Variants in TBC1D15 observed in about 807,000 individuals in gnomAD.
TBC1D15 encodes the protein TBC1 domain family member 15.
A neutral mutation model predicts 95.4 loss-of-function variants in TBC1D15; 39 were observed. The ratio of observed to expected loss-of-function variants is 0.41; its 90% confidence interval spans 0.32 to 0.53. The LOEUF (loss-of-function observed/expected upper bound fraction) is 0.53, where lower values mean the gene tolerates loss of function less well. Ranked by LOEUF, TBC1D15 falls within the 20% of genes least tolerant of loss-of-function variation. TBC1D15 has a pLI of 0.29. For missense variants in TBC1D15, 733 were observed against 794.3 expected (o/e 0.92, Z 0.93); for synonymous variants, 258 against 261.3 (o/e 0.99, Z 0.12).
At chr12:71,878,843 C>T (rs535792202) in intron 3 of TBC1D15, among the ~76,000 whole-genome samples, 1 of 150,740 alleles carries the variant, frequency 6.6e-6, no homozygotes, top group Admixed American at 6.6e-5. Flanking sequence ...AAAAAAAAAA[C>T]TAGTCAAACA....
chr12:71,917,025 T>A (rs565652888), intron 12 of TBC1D15, among the ~76,000 whole-genome samples: 1 of 152,322 alleles, frequency 6.6e-6, no homozygotes, highest in East Asian at 1.9e-4. Flanking sequence ...TTTTTTTTAA[T>A]GAAAAGTAAC....
intron 1 of TBC1D15, among the ~76,000 whole-genome samples, chr12:71,864,693 G>A (rs1051874512): frequency 9.2e-5 from 14 of 151,990 alleles, no homozygotes; most frequent in East Asian, 1.9e-4. Flanking sequence ...TTTTAGTAGC[G>A]ATGGGGATTC....
chr12:71,920,234 G>A (rs1459141280), intron 14 of TBC1D15, among the ~76,000 whole-genome samples: 1 of 152,144 alleles, frequency 6.6e-6, no homozygotes, highest in African/African-American at 2.4e-5. Flanking sequence ...CACAATCAGG[G>A]ATAAAATGTG....
intron 1 of TBC1D15, among the ~76,000 whole-genome samples, chr12:71,868,240 CTTTTTTT>C (rs771782876): frequency 2.3e-5 from 3 of 132,380 alleles, no homozygotes; most frequent in Non-Finnish European, 3.2e-5. Flanking sequence ...GCAGCTTTGA[CTTTTTTT>C]TTTTTTTTTT....
rs893843942 is a variant in TBC1D15, at chr12:71,891,374, G to A, written c.555-1848G>A. Among the ~76,000 whole-genome samples the A allele has an allele frequency of 9.2e-5, 14 of 152,220 alleles. No homozygotes were observed. The South Asian group carries it at 2.9e-3, about 32-fold the overall frequency. Reference sequence around the variant, plus strand: ...AGGCTGTAATAGAATTGCTGGGTTAGCATCATTAAAAGTTCATCTTACTGC... The same window carrying A: ...AGGCTGTAATAGAATTGCTGGGTTAACATCATTAAAAGTTCATCTTACTGC... On this transcript the variant is annotated intron_variant, in intron 5 of 16. Transcript: ENST00000485960.
intron 1 of TBC1D15, among the ~76,000 whole-genome samples, chr12:71,865,247 G>A (rs1891237731): frequency 6.6e-6 from 1 of 152,208 alleles, no homozygotes; most frequent in South Asian, 2.1e-4. Context: ...ACAGAGCCAG[G>A]ATGTATGACA....
At chr12:71,862,177 T>C (rs1357420257) in intron 1 of TBC1D15, among the ~76,000 whole-genome samples, 1 of 152,170 alleles carries the variant, frequency 6.6e-6, no homozygotes, top group Non-Finnish European at 1.5e-5. Flanking sequence ...GTTTTGTAAA[T>C]GTCTGTTAGA....
chr12:71,919,121 T>C (rs961617236), intron 14 of TBC1D15, among the ~76,000 whole-genome samples: 8 of 152,176 alleles, frequency 5.3e-5, no homozygotes, highest in Non-Finnish European at 8.8e-5. Context: ...CCCCAGTGTT[T>C]ATTTTTCCAT....
At chr12:71,889,876 AGTGAGAACAT>A (rs1353795464) in intron 5 of TBC1D15, among the ~76,000 whole-genome samples, 1 of 152,116 alleles carries the variant, frequency 6.6e-6, no homozygotes, top group Non-Finnish European at 1.5e-5. Flanking sequence ...CCCGCTTATA[AGTGAGAACAT>A]GTAGTATTTG....
At chr12:71,912,622 A>G (rs1218396562) in intron 11 of TBC1D15, among the ~76,000 whole-genome samples, 2 of 152,140 alleles carry the variant, frequency 1.3e-5, no homozygotes, top group Admixed American at 1.3e-4. Context: ...AAACAGAGTA[A>G]TGTGTAATTA....
chr12:71,914,447 A>G (rs7305612), intron 12 of TBC1D15, among the ~76,000 whole-genome samples: 13,978 of 152,102 alleles, frequency 0.092, 712 homozygotes, highest in South Asian at 0.14. Flanking sequence ...TGAACTGTCT[A>G]TATATACATG....
intron 1 of TBC1D15, chr12:71,849,179 CAAAAAA>C (rs1015053782): frequency 1.1e-5 from 2 of 182,326 alleles, no homozygotes; most frequent in African/African-American, 5.7e-5. Flanking sequence ...AAAAAAAAAA[CAAAAAA>C]AAAACAAAAA....
intron 16 of TBC1D15, among the ~76,000 whole-genome samples, chr12:71,922,170 C>G (rs770811110): frequency 3.3e-5 from 5 of 152,130 alleles, no homozygotes; most frequent in Non-Finnish European, 7.3e-5. Flanking sequence ...CTGCAACCTT[C>G]TCCTCCTGAG....
At chr12:71,842,343 C>G (rs1208107322) in intron 1 of TBC1D15, among the ~76,000 whole-genome samples, 2 of 152,208 alleles carry the variant, frequency 1.3e-5, no homozygotes, top group Admixed American at 1.3e-4. Context: ...CCTCTCTGTG[C>G]TTCAGTATCC....
chr12:71,868,617 C>T, intron 1 of TBC1D15, among the ~76,000 whole-genome samples: 1 of 152,108 alleles, frequency 6.6e-6, no homozygotes, highest in East Asian at 1.9e-4. Flanking sequence ...ACTTAGGAAA[C>T]TCTTTCAACT....
intron 2 of TBC1D15, 59 bp downstream of exon 2, chr12:71,872,227 G>T: frequency 9.8e-7 from 1 of 1,022,204 alleles, no homozygotes; most frequent in South Asian, 1.9e-5. Flanking sequence ...TTCATCTTTG[G>T]AGAATTATCA....
At chr12:71,848,533 C>G (rs1565938679) in intron 1 of TBC1D15, among the ~76,000 whole-genome samples, 1 of 151,732 alleles carries the variant, frequency 6.6e-6, no homozygotes, top group African/African-American at 2.4e-5. Flanking sequence ...TTTTTTCAAA[C>G]TGTGTTTTTT....
Position 71,858,283 on chromosome 12 carries a change from G to C in TBC1D15, c.31-13787G>C, listed in dbSNP as rs142025065. On this transcript the variant is annotated intron_variant, in intron 1 of 16. Coordinates refer to ENST00000485960, the MANE Select transcript of TBC1D15 (RefSeq NM_001146213.3). The stretch of plus-strand genomic sequence containing the variant: ...GATGGGGTTTCTCCATGTTGATCAG[G>C]CTGGTCTGGAACTCCCGACCTCAAG... 1.8e-3 allele frequency among the ~76,000 whole-genome samples: 274 copies of C among 152,082 alleles called. 3 individuals are homozygous for C. The East Asian group carries it at 0.049, about 27-fold the overall frequency.
chr12:71,893,386 C>T, intron 6 of TBC1D15, 62 bp downstream of exon 6: 1 of 1,112,010 alleles, frequency 9.0e-7, no homozygotes, highest in Non-Finnish European at 1.3e-6. Flanking sequence ...CCCTGTACTT[C>T]TCATCTTCTC....
Sources: allele counts gnomAD v4.1 joint callset (sites outside exome capture counted in the v4.1 genomes callset), GRCh38; gene constraint gnomAD v4.1.1; transcripts MANE v1.5; gene names NCBI Gene and HGNC (gene_info 2026-07-23, HGNC 2026-07-21).